The following TRIM33 variants were observed in gnomAD, a reference collection of about 807,000 sequenced individuals.
The protein encoded by TRIM33 is E3 ubiquitin-protein ligase TRIM33.
In TRIM33, 20 loss-of-function variants were observed where a neutral mutation model predicts 125.4. The observed-to-expected ratio is 0.16, with a 90% CI of 0.11 to 0.23. The LOEUF is 0.23. TRIM33 is among the 10% of genes least tolerant of loss of function. The pLI is 1.00. For synonymous variants in TRIM33, 564 were observed against 513.9 expected (o/e 1.10, Z -1.32); for missense variants, 920 against 1,411.4 (o/e 0.65, Z 5.58).
chr1:114,478,650 A>C (rs1651116090), intron 1 of TRIM33, among the ~76,000 whole-genome samples: 1 of 152,236 alleles, frequency 6.6e-6, no homozygotes, highest in Non-Finnish European at 1.5e-5. Context: ...ATAATATGGC[A>C]AAGCCTCAAC....
intron 1 of TRIM33, among the ~76,000 whole-genome samples, chr1:114,509,989 TTC>T (rs1211190632): frequency 5.9e-5 from 9 of 152,054 alleles, no homozygotes; most frequent in African/African-American, 2.2e-4. Context: ...CTTTCCGAGT[TTC>T]TCTTTCCCCA....
At chr1:114,448,452 C>G (rs1177896679) in intron 4 of TRIM33, among the ~76,000 whole-genome samples, 1 of 152,098 alleles carries the variant, frequency 6.6e-6, no homozygotes, top group Admixed American at 6.5e-5. Flanking sequence ...TAACGGTCTA[C>G]TTGAGGGAAG....
intron 1 of TRIM33, among the ~76,000 whole-genome samples, chr1:114,496,416 A>G (rs1652369005): frequency 6.6e-6 from 1 of 152,220 alleles, no homozygotes; most frequent in South Asian, 2.1e-4. Flanking sequence ...TTCCAAATCT[A>G]TTGTGGACAA....
At position 114,394,605 on chromosome 1, in the gene TRIM33, T is replaced by C; in HGVS notation, c.*3043A>G. 4.8e-6 allele frequency: 1 copy of C among 207,370 alleles called. No homozygotes were observed. Among genetic ancestry groups the C allele is most frequent in the East Asian group, 7.3e-5 (1 of 13,716 alleles). 12.8% of individuals were successfully genotyped at this position (207,370 alleles called of 1,614,324 possible). A position where few individuals can be genotyped will look rare whatever the true frequency, so the allele number is the denominator to read the frequency against. On this transcript the variant is annotated 3_prime_UTR_variant, in exon 20 of 20. Transcript: ENST00000358465. ...TACCTAAAATTCCCTTATGTTAAGA[T>C]ACAGAAGTCAGAAAGTACCAACTTG...
chr1:114,502,011 G>GT (rs1652747748), intron 1 of TRIM33, among the ~76,000 whole-genome samples: 2 of 152,226 alleles, frequency 1.3e-5, no homozygotes, highest in South Asian at 2.1e-4. Flanking sequence ...AGAGACAGAG[G>GT]TTAATTTATC....
chr1:114,406,580 C>T (rs1344086353), intron 14 of TRIM33, among the ~76,000 whole-genome samples: 3 of 152,144 alleles, frequency 2.0e-5, no homozygotes, highest in East Asian at 3.9e-4. Flanking sequence ...TAATGCTGAG[C>T]TCACAGGTCC....
rs1459156253 is a variant in TRIM33 at position 114,510,657 on chromosome 1, G to C, written c.420C>G (p.Pro140=). 1 of 1,559,996 alleles carries C rather than the reference G, an allele frequency of 6.4e-7. No individual in the cohort carries two copies. The highest frequency in any genetic ancestry group is 2.4e-5 in the East Asian group (1 of 42,388). The change falls in exon 1 of 20, where the codon CCC becomes CCG. Residue 140 remains proline (P), a synonymous_variant. Coordinates refer to ENST00000358465, the MANE Select transcript of TRIM33 (RefSeq NM_015906.4). ...QSLQSRREAE[P]KLLPCLHSFC... ...AGGAGTGAAGACAGGGCAGCAGCTT[G>C]GGCTCCGCCTCACGCCGGCTCTGCA...
intron 4 of TRIM33, among the ~76,000 whole-genome samples, chr1:114,453,488 T>G (rs1649447708): frequency 6.6e-6 from 1 of 152,178 alleles, no homozygotes; most frequent in Non-Finnish European, 1.5e-5. Context: ...TTCTTGCTAC[T>G]AAAGTGTAAG....
chr1:114,418,152 G>C (rs1033972634), intron 11 of TRIM33, among the ~76,000 whole-genome samples: 2 of 152,218 alleles, frequency 1.3e-5, no homozygotes, highest in African/African-American at 4.8e-5. Flanking sequence ...AAGGCAAAGG[G>C]GAAGCAGGCA....
intron 1 of TRIM33, among the ~76,000 whole-genome samples, chr1:114,481,328 T>C (rs1651317103): frequency 6.6e-6 from 1 of 152,152 alleles, no homozygotes; most frequent in Non-Finnish European, 1.5e-5. Flanking sequence ...ATGTGGTGGC[T>C]CACGCCTGTA....
At chr1:114,467,666 A>C (rs1049364367) in intron 1 of TRIM33, among the ~76,000 whole-genome samples, 2 of 152,218 alleles carry the variant, frequency 1.3e-5, no homozygotes, top group African/African-American at 4.8e-5. Flanking sequence ...TGTGTAACTG[A>C]AACAAACACA....
intron 1 of TRIM33, among the ~76,000 whole-genome samples, chr1:114,484,114 T>G (rs1383177630): frequency 2.6e-5 from 4 of 152,190 alleles, no homozygotes; most frequent in Non-Finnish European, 4.4e-5. Flanking sequence ...CAAAAAGATG[T>G]TTTATTTTGA....
Position 114,463,422 on chromosome 1 carries a change from T to A in TRIM33, c.780A>T (p.Glu260Asp). 3 of 1,613,150 alleles carry A rather than the reference T, an allele frequency of 1.9e-6. No homozygotes were observed. Among genetic ancestry groups the A allele is most frequent in the South Asian group, 1.1e-5 (1 of 90,982 alleles). ...FTKDHLIRKK[E>D]DVSESVGASG... ...ATGCATCTATCTTACCTGAGACATC[T>A]TCTTTCTTCCTGATCAAGTGATCTT... The change falls in exon 3 of 20, where the codon GAA becomes GAT. Residue 260 changes from glutamate to aspartate, a missense_variant. Around this residue, in one of 8 missense-constraint regions of TRIM33, gnomAD observed 24 missense variants for 83.9 expected, o/e 0.29. Coordinates refer to ENST00000358465, the MANE Select transcript of TRIM33 (RefSeq NM_015906.4).
intron 1 of TRIM33, among the ~76,000 whole-genome samples, chr1:114,480,706 C>G (rs1369520019): frequency 6.6e-6 from 1 of 152,064 alleles, no homozygotes; most frequent in Admixed American, 6.5e-5. Context: ...AACTATATCA[C>G]TGAGTAAACA....
In TRIM33 at chr1:114,393,169, AG is replaced by A. The variant is rs1368221273; in HGVS notation, c.*4478del. 1.4e-5 allele frequency: 3 copies of A among 215,586 alleles called. No homozygotes were observed. Among genetic ancestry groups the A allele is most frequent in the Non-Finnish European group, 2.8e-5 (3 of 106,534 alleles). 13.4% of individuals were successfully genotyped at this position (215,586 alleles called of 1,614,324 possible). A position where few individuals can be genotyped will look rare whatever the true frequency, so the allele number is the denominator to read the frequency against. On this transcript the variant is annotated 3_prime_UTR_variant, in exon 20 of 20. Transcript: ENST00000358465. ...GAGACCAATTGAAATACTGGAAGCA[AG>A]GAACTAGTAAGGCTGTGAATTTAAC...
chr1:114,506,498 G>T (rs1653014386), intron 1 of TRIM33, among the ~76,000 whole-genome samples: 1 of 151,780 alleles, frequency 6.6e-6, no homozygotes, highest in South Asian at 2.1e-4. Context: ...GAGTTCATCT[G>T]AGAGTTTGTT....
chr1:114,429,361 T>A (rs1440273950), intron 6 of TRIM33, among the ~76,000 whole-genome samples: 1 of 134,878 alleles, frequency 7.4e-6, no homozygotes, highest in Non-Finnish European at 1.6e-5. Flanking sequence ...CTAATTTTTG[T>A]TTTTTTTTTT....
Position 114,406,987 on chromosome 1 carries a change from C to T in TRIM33, c.2372G>A (p.Gly791Asp), listed in dbSNP as rs765835263. 1 of 1,613,896 alleles carries T rather than the reference C, an allele frequency of 6.2e-7. No homozygotes were observed. The highest frequency in any genetic ancestry group is 1.3e-5 in the African/African-American group (1 of 74,914). Residue 791 changes from glycine (G) to aspartate (D), a missense_variant, in exon 14 of 20, where the codon GGT becomes GAT. Gly to Asp is a moderately conservative substitution (Grantham distance 94). Around this residue, in one of 8 missense-constraint regions of TRIM33, gnomAD observed 407 missense variants for 589.7 expected, o/e 0.69. Transcript: ENST00000358465. Reference sequence around the variant, plus strand: ...ATCCTCTGTTTTTTCTTGTTTTACACCTCCTGAAAAGCTACATATTTCATC... The same window carrying T: ...ATCCTCTGTTTTTTCTTGTTTTACATCTCCTGAAAAGCTACATATTTCATC... ...TEDEICSFSGGVKQEKTEDGR... is the reference protein window; with the variant it reads ...TEDEICSFSGDVKQEKTEDGR...
intron 1 of TRIM33, among the ~76,000 whole-genome samples, chr1:114,467,050 G>A (rs536121659): frequency 3.9e-5 from 6 of 152,348 alleles, no homozygotes; most frequent in East Asian, 1.9e-4. Flanking sequence ...ATGTGGTGAC[G>A]TAAATGCCAA....
Sources: gnomAD v4.1 joint callset for allele counts (sites outside exome capture counted in the v4.1 genomes callset) on GRCh38, gnomAD v4.1.1 for gene constraint, gnomAD v4.1.1 regional missense constraint, MANE v1.5 for transcripts, NCBI Gene and HGNC (gene_info 2026-07-23, HGNC 2026-07-21) for gene names.